SLC9A9: variants seen among roughly 807,000 people sequenced by gnomAD.
SLC9A9 encodes sodium/hydrogen exchanger 9.
In SLC9A9, 62 loss-of-function variants were observed where a neutral mutation model predicts 77.8. The observed-to-expected ratio is 0.80, with a 90% CI of 0.65 to 0.98. SLC9A9 has a LOEUF of 0.98. Ranked by LOEUF, SLC9A9 falls within the 50% of genes least tolerant of loss-of-function variation. SLC9A9 has a pLI of 0.00. For synonymous variants in SLC9A9, 320 were observed against 283.5 expected, an observed-to-expected ratio of 1.13 and a Z score of -1.29; for missense variants, 775 against 774.9, an observed-to-expected ratio of 1.00 and a Z score of 0.00.
intron 5 of SLC9A9, among the ~76,000 whole-genome samples, chr3:143,690,995 G>A (rs184804733): frequency 3.9e-4 from 60 of 152,136 alleles, no homozygotes; most frequent in African/African-American, 1.4e-3. Flanking sequence ...TGGATAAAAT[G>A]GGCAACTCTA....
chr3:143,714,880 G>A (rs1301543538), intron 4 of SLC9A9, among the ~76,000 whole-genome samples: 1 of 152,194 alleles, frequency 6.6e-6, no homozygotes, highest in Non-Finnish European at 1.5e-5. Flanking sequence ...GAATTCCCAT[G>A]TGTTGTGGGA....
At chr3:143,432,093 T>C (rs1419333324) in intron 12 of SLC9A9, among the ~76,000 whole-genome samples, 2 of 152,210 alleles carry the variant, frequency 1.3e-5, no homozygotes, top group African/African-American at 2.4e-5. Flanking sequence ...TGATATACTA[T>C]ATAATTTGCC....
chr3:143,612,526 A>C (rs1296219654), intron 6 of SLC9A9, among the ~76,000 whole-genome samples: 1 of 152,226 alleles, frequency 6.6e-6, no homozygotes, highest in African/African-American at 2.4e-5. Context: ...CCAGACCACC[A>C]ACATGGATGC....
intron 6 of SLC9A9, among the ~76,000 whole-genome samples, chr3:143,586,689 C>T (rs912704646): frequency 2.6e-5 from 4 of 152,156 alleles, no homozygotes; most frequent in Admixed American, 2.0e-4. Flanking sequence ...GTGTACACAT[C>T]GGAATTCGTT....
intron 4 of SLC9A9, among the ~76,000 whole-genome samples, chr3:143,788,298 A>G (rs2008115748): frequency 6.6e-6 from 1 of 152,208 alleles, no homozygotes; most frequent in Non-Finnish European, 1.5e-5. Flanking sequence ...ACTTTGAGGT[A>G]GGGGAGGACT....
At chr3:143,761,282 G>T (rs917036211) in intron 4 of SLC9A9, among the ~76,000 whole-genome samples, 3 of 152,114 alleles carry the variant, frequency 2.0e-5, no homozygotes, top group African/African-American at 4.8e-5. Context: ...ACAGGCAGAG[G>T]CAAGGACTTC....
chr3:143,484,362 A>C (rs1440439577), intron 11 of SLC9A9, among the ~76,000 whole-genome samples: 9 of 152,178 alleles, frequency 5.9e-5, no homozygotes, highest in Admixed American at 5.9e-4. Flanking sequence ...ATGTTACCTT[A>C]AGTTGACCTT....
At chr3:143,384,484 T>A (rs960734044) in intron 12 of SLC9A9, among the ~76,000 whole-genome samples, 6 of 152,198 alleles carry the variant, frequency 3.9e-5, no homozygotes, top group Non-Finnish European at 8.8e-5. Flanking sequence ...GGTCTCTGTC[T>A]AGAAACCTGG....
intron 4 of SLC9A9, among the ~76,000 whole-genome samples, chr3:143,775,879 A>C (rs538477977): frequency 2.0e-5 from 3 of 152,316 alleles, no homozygotes; most frequent in African/African-American, 7.2e-5. Context: ...CTTTGAAACA[A>C]TCTTGAAATT....
intron 4 of SLC9A9, among the ~76,000 whole-genome samples, chr3:143,767,262 GA>G (rs940062040): frequency 3.3e-5 from 5 of 152,062 alleles, no homozygotes; most frequent in African/African-American, 1.2e-4. Context: ...CAAGAGCTTA[GA>G]AGATGAATTT....
intron 11 of SLC9A9, among the ~76,000 whole-genome samples, chr3:143,480,369 C>T (rs2035553020): frequency 6.6e-6 from 1 of 152,208 alleles, no homozygotes; most frequent in Non-Finnish European, 1.5e-5. Context: ...ATCATAATCA[C>T]ATAACCTTTT....
intron 14 of SLC9A9, among the ~76,000 whole-genome samples, chr3:143,335,158 C>T (rs2031886820): frequency 6.6e-6 from 1 of 152,100 alleles, no homozygotes. Flanking sequence ...TAACAATGAA[C>T]ACTCTTAAAA....
intron 14 of SLC9A9, among the ~76,000 whole-genome samples, chr3:143,272,892 T>C (rs1937935948): frequency 6.6e-6 from 1 of 152,208 alleles, no homozygotes; most frequent in Non-Finnish European, 1.5e-5. Flanking sequence ...AATAGCAGTA[T>C]GGTTCAGGAG....
chr3:143,361,274 T>C (rs904878961), intron 14 of SLC9A9, among the ~76,000 whole-genome samples: 9 of 152,242 alleles, frequency 5.9e-5, no homozygotes, highest in Admixed American at 1.3e-4. Context: ...GATGCAATTT[T>C]ACTGAAATGA....
chr3:143,291,460 C>T (rs1266277783), intron 14 of SLC9A9, among the ~76,000 whole-genome samples: 1 of 152,206 alleles, frequency 6.6e-6, no homozygotes, highest in Non-Finnish European at 1.5e-5. Context: ...CATCATCTCT[C>T]ACTCTACCCA....
intron 13 of SLC9A9, among the ~76,000 whole-genome samples, chr3:143,363,788 A>G (rs1349388764): frequency 6.6e-6 from 1 of 152,168 alleles, no homozygotes; most frequent in Non-Finnish European, 1.5e-5. Flanking sequence ...TTTCTTAATA[A>G]TCCCAATTTT....
At chr3:143,427,180 T>C (rs1361261879) in intron 12 of SLC9A9, among the ~76,000 whole-genome samples, 2 of 152,224 alleles carry the variant, frequency 1.3e-5, no homozygotes, top group Non-Finnish European at 2.9e-5. Flanking sequence ...AAGCATGACA[T>C]AGGTTAAAAT....
At chr3:143,543,899 G>T (rs1179955783) in intron 9 of SLC9A9, among the ~76,000 whole-genome samples, 2 of 152,142 alleles carry the variant, frequency 1.3e-5, no homozygotes, top group Non-Finnish European at 2.9e-5. Context: ...TATATACCAA[G>T]TAATGAAATT....
chr3:143,731,642 A>G lies in SLC9A9; in HGVS notation c.534-38335T>C, dbSNP rs184029800. ...TTGAATGTAGTGCCCCGTGACAAAC[A>G]TGATTCTCTTAAGATGTGACAAAGT... On this transcript the variant is annotated intron_variant, in intron 4 of 15. Coordinates refer to ENST00000316549, the MANE Select transcript of SLC9A9 (RefSeq NM_173653.4). 5.8e-3 allele frequency among the ~76,000 whole-genome samples: 877 copies of G among 152,302 alleles called. 7 individuals are homozygous for G. Among genetic ancestry groups the G allele is most frequent in the Middle Eastern group, 0.01 (3 of 294 alleles).
Sources: allele counts gnomAD v4.1 joint callset (sites outside exome capture counted in the v4.1 genomes callset), GRCh38; gene constraint gnomAD v4.1.1; transcripts MANE v1.5; gene names NCBI Gene and HGNC (gene_info 2026-07-23, HGNC 2026-07-21).